Variants in DEAF1 observed in about 807,000 individuals in gnomAD.
DEAF1 encodes DEAF1 transcription factor, also known as deformed epidermal autoregulatory factor 1 homolog.
A neutral mutation model predicts 58.9 loss-of-function variants in DEAF1; 53 were observed. That is an observed-to-expected ratio of 0.90 (90% CI 0.72 to 1.13). The LOEUF (loss-of-function observed/expected upper bound fraction) is 1.13, where lower values mean the gene tolerates loss of function less well. Among genes scored for constraint, DEAF1 ranks in the 50% most tolerant of loss-of-function variants. The pLI, the probability that DEAF1 is intolerant of heterozygous loss-of-function variation, is 0.00. For missense variants in DEAF1, 685 were observed against 791.4 expected (o/e 0.87, Z 1.61); for synonymous variants, 385 against 340.4 (o/e 1.13, Z -1.44).
At chr11:695,819 G>A (rs1454566654), upstream of DEAF1, 14 of 1,231,934 alleles carry the variant, frequency 1.1e-5, no homozygotes, top group Admixed American at 3.0e-4. Flanking sequence ...GGCGGGCGGG[G>A]CGGGTAAGAT....
At chr11:698,980 A>C (rs991884905), upstream of DEAF1, 7 of 1,472,378 alleles carry the variant, frequency 4.8e-6, no homozygotes, top group African/African-American at 9.7e-5. Context: ...GTTTTCCCTA[A>C]GTTCTGTCTA....
Position 688,857 on chromosome 11 carries a change from T to C in DEAF1, c.388-397A>G, listed in dbSNP as rs577259897. On this transcript the variant is annotated intron_variant, in intron 2 of 11. Transcript: ENST00000382409. This position sits in a 1 kb window ranked among gnomAD's most constrained non-coding sequence, Gnocchi z 4.3. ...TGCAGGACCGCCCTCCAGACCTCCT[T>C]ACAGATGGCAACTGGAGACCAGGGC... Among the ~76,000 whole-genome samples the C allele has an allele frequency of 6.6e-5, 10 of 152,254 alleles. No individual in the cohort carries two copies. The South Asian group carries it at 1.9e-3, about 28-fold the overall frequency.
intron 10 of DEAF1, among the ~76,000 whole-genome samples, chr11:669,252 G>A (rs1049393731): frequency 7.9e-5 from 12 of 151,110 alleles, no homozygotes; most frequent in Admixed American, 6.6e-5. Context: ...ATGCCTGGCC[G>A]AAATAAATCG....
chr11:667,369 G>GAGGA (rs1214803701), intron 10 of DEAF1, among the ~76,000 whole-genome samples: 19 of 124,008 alleles, frequency 1.5e-4, no homozygotes, highest in East Asian at 7.8e-4. Flanking sequence ...GGGAGGGAGG[G>GAGGA]AGGAAGGAAG....
At chr11:700,715 G>A (rs1205535189) in intron 1 of DEAF1, 26 of 1,609,616 alleles carry the variant, frequency 1.6e-5, no homozygotes, top group Non-Finnish European at 2.1e-5. Context: ...TGGGTGAGTG[G>A]ACTGTTAACA....
At chr11:659,110 T>C (rs965048857) in intron 10 of DEAF1, among the ~76,000 whole-genome samples, 1 of 151,614 alleles carries the variant, frequency 6.6e-6, no homozygotes, top group Non-Finnish European at 1.5e-5. Context: ...ACCTAGATAC[T>C]GGCCAGGCAT....
At chr11:674,360 T>A (rs1261201118) in intron 10 of DEAF1, 176 bp downstream of exon 10, 5 of 911,542 alleles carry the variant, frequency 5.5e-6, no homozygotes, top group Non-Finnish European at 8.6e-6. Flanking sequence ...ACAATAGCTG[T>A]CACTTTTCTT....
At chr11:693,313 CCT>C (rs1462945251) in intron 1 of DEAF1, among the ~76,000 whole-genome samples, 7 of 152,170 alleles carry the variant, frequency 4.6e-5, no homozygotes, top group Admixed American at 6.5e-5. Context: ...GACGCCAACC[CCT>C]GAGAGTCACA....
At chr11:654,536 C>T (rs1858953325) in intron 10 of DEAF1, 2 of 455,412 alleles carry the variant, frequency 4.4e-6, no homozygotes, top group Non-Finnish European at 8.8e-6. Flanking sequence ...AGAATCAGCT[C>T]TTTCCTGGCC....
chr11:661,031 G>A (rs185355908), intron 10 of DEAF1, among the ~76,000 whole-genome samples: 1 of 152,278 alleles, frequency 6.6e-6, no homozygotes, highest in Non-Finnish European at 1.5e-5. Flanking sequence ...CATTGTTACT[G>A]TCCAACTTAC....
chr11:704,660 C>T lies in DEAF1; in HGVS notation c.-438+1912G>A, dbSNP rs1193385937. The T allele has an allele frequency of 1.0e-5, 13 of 1,287,596 alleles. No individual in the cohort carries two copies. In the South Asian group the frequency reaches 1.5e-4, roughly 15 times the overall value. The allele number at this position is 1,287,596 out of a possible 1,614,324, so 79.8% of individuals were successfully genotyped here. On this transcript the variant is annotated intron_variant, in intron 1 of 11. Transcript: ENST00000683307. ...CTTCATGGTTAATGGATCCTGATAC[C>T]TCCAGTCTCAGCGAGCACACAAAGG...
At chr11:672,218 C>A (rs1418446706) in intron 10 of DEAF1, among the ~76,000 whole-genome samples, 4 of 151,856 alleles carry the variant, frequency 2.6e-5, no homozygotes, top group African/African-American at 9.7e-5. Flanking sequence ...CCGTAACAAA[C>A]CCCTAACATC....
intron 10 of DEAF1, among the ~76,000 whole-genome samples, chr11:659,434 C>G (rs976215903): frequency 6.6e-6 from 1 of 152,058 alleles, no homozygotes; most frequent in African/African-American, 2.4e-5. Context: ...CCTAGACACA[C>G]CCCGGATGGA....
chr11:688,060 T>C lies in DEAF1; in HGVS notation c.518-3A>G, dbSNP rs771569929. 8 of 1,613,880 alleles carry C rather than the reference T, an allele frequency of 5.0e-6. No homozygotes were observed. Among genetic ancestry groups the C allele is most frequent in the Non-Finnish European group, 5.9e-6 (7 of 1,179,970 alleles). On this transcript the variant is annotated splice_polypyrimidine_tract_variant and splice_region_variant and intron_variant, in intron 3 of 11. Coordinates refer to ENST00000382409, the MANE Select transcript of DEAF1 (RefSeq NM_021008.4). This position sits in a 1 kb window ranked among gnomAD's most constrained non-coding sequence, Gnocchi z 4.3. ...AGGGGTTGGAGGAGACTGAGGACCT[T>C]GGGCAGAGAAAGTGTTTGAAGGTGA...
chr11:661,456 T>C (rs1029974297), intron 10 of DEAF1, among the ~76,000 whole-genome samples: 3 of 151,966 alleles, frequency 2.0e-5, no homozygotes, highest in Admixed American at 6.6e-5. Flanking sequence ...ATGCCTGTAA[T>C]CCCAGCACTT....
intron 1 of DEAF1, chr11:703,576 C>T: frequency 8.1e-7 from 1 of 1,233,352 alleles, no homozygotes; most frequent in Non-Finnish European, 1.0e-6. Context: ...AATTTGTGTT[C>T]TGAGATCCCA....
At position 688,646 on chromosome 11, in the gene DEAF1, G is replaced by A. The variant is rs1035737397; in HGVS notation, c.388-186C>T. On this transcript the variant is annotated intron_variant, in intron 2 of 11. Coordinates refer to ENST00000382409, the MANE Select transcript of DEAF1 (RefSeq NM_021008.4). This position sits in a 1 kb window ranked among gnomAD's most constrained non-coding sequence, Gnocchi z 4.3. Reference sequence around the variant, plus strand: ...GACTTGAAAACAGAGCCAAGAACAAGAACAGACAATGCCGAAGTCTGTGTG... The same window carrying A: ...GACTTGAAAACAGAGCCAAGAACAAAAACAGACAATGCCGAAGTCTGTGTG... 1.3e-5 allele frequency among the ~76,000 whole-genome samples: 2 copies of A among 152,134 alleles called. No individual in the cohort carries two copies. Among genetic ancestry groups the A allele is most frequent in the Non-Finnish European group, 2.9e-5 (2 of 68,020 alleles).
Position 679,789 on chromosome 11 carries a change from G to A in DEAF1, c.1025C>T (p.Thr342Met), listed in dbSNP as rs780703878. ...GTCAAAGGTCAGTGCCCCCGAGGTC[G>A]TGATCTGTCCCGAGGGGGTCACGGT... ...TFTVTPSGQITTSGALTFDRA... is the reference protein window; with the variant it reads ...TFTVTPSGQIMTSGALTFDRA... Residue 342 changes from threonine to methionine, a missense_variant, in exon 8 of 12, where the codon ACG (threonine) becomes ATG (methionine). Physicochemically the swap from Thr to Met is moderately conservative, Grantham distance 81. Around this residue, in one of 3 missense-constraint regions of DEAF1, gnomAD observed 343 missense variants for 379.8 expected, o/e 0.90. Coordinates refer to ENST00000382409, the MANE Select transcript of DEAF1 (RefSeq NM_021008.4). 4.3e-6 allele frequency: 7 copies of A among 1,613,828 alleles called. No homozygotes were observed. The highest frequency in any genetic ancestry group is 1.1e-5 in the South Asian group (1 of 91,092).
At chr11:662,480 G>A (rs147733560) in intron 10 of DEAF1, among the ~76,000 whole-genome samples, 80 of 152,110 alleles carry the variant, frequency 5.3e-4, no homozygotes, top group African/African-American at 1.9e-3. Context: ...TACAGGGCAG[G>A]AGGACGCCAA....
Sources: gnomAD v4.1 joint callset for allele counts (sites outside exome capture counted in the v4.1 genomes callset) on GRCh38, gnomAD v4.1.1 for gene constraint, gnomAD v4.1.1 regional missense constraint, Gnocchi (gnomAD v3.1) non-coding constraint, MANE v1.5 for transcripts, NCBI Gene and HGNC (gene_info 2026-07-23, HGNC 2026-07-21) for gene names.